CDC42SE2: variants seen among roughly 807,000 people sequenced by gnomAD.
CDC42SE2 encodes the protein CDC42 small effector 2.
In CDC42SE2, 3 loss-of-function variants were observed where a neutral mutation model predicts 11.5. The ratio of observed to expected loss-of-function variants is 0.26; its 90% CI spans 0.12 to 0.67. CDC42SE2 has a LOEUF of 0.67. Ranked by LOEUF, CDC42SE2 falls within the 30% of genes least tolerant of loss-of-function variation. The pLI is 0.80. For missense variants in CDC42SE2, 82 were observed against 106.8 expected (o/e 0.77, Z 1.02); for synonymous variants, 33 against 34.8 (o/e 0.95, Z 0.18).
At chr5:131,323,880 G>T (rs1019110928) in intron 2 of CDC42SE2, among the ~76,000 whole-genome samples, 2 of 152,086 alleles carry the variant, frequency 1.3e-5, no homozygotes, top group Non-Finnish European at 2.9e-5. Flanking sequence ...TTGTTCAAGA[G>T]CAAGATCAGT....
chr5:131,300,545 G>A (rs1580739894), intron 1 of CDC42SE2, among the ~76,000 whole-genome samples: 1 of 152,142 alleles, frequency 6.6e-6, no homozygotes, highest in Non-Finnish European at 1.5e-5. Context: ...AGCACTTTGG[G>A]AGGCCGAGGC....
Position 131,385,530 on chromosome 5 carries a change from C to G in CDC42SE2, c.55-13C>G, listed in dbSNP as rs1200360482. The G allele has an allele frequency of 1.7e-5, 27 of 1,588,458 alleles. No homozygotes were observed. Among genetic ancestry groups the G allele is most frequent in the Non-Finnish European group, 2.2e-5 (25 of 1,157,668 alleles). On this transcript the variant is annotated splice_polypyrimidine_tract_variant and intron_variant, in intron 3 of 4. Transcript: ENST00000505065. ...AGATCACTTTCTCAACACATTTGTT[C>G]CCCATATTTTAGAAAAGGCGACGGC...
At chr5:131,303,511 A>G (rs1478320285) in intron 1 of CDC42SE2, among the ~76,000 whole-genome samples, 2 of 152,180 alleles carry the variant, frequency 1.3e-5, no homozygotes, top group Admixed American at 1.3e-4. Flanking sequence ...AGACTTTTGA[A>G]TTGTAGTGGA....
intron 2 of CDC42SE2, among the ~76,000 whole-genome samples, chr5:131,341,077 T>A (rs1758700371): frequency 6.6e-6 from 1 of 152,208 alleles, no homozygotes; most frequent in South Asian, 2.1e-4. Context: ...AAAATATTAA[T>A]CATCAGCATC....
At chr5:131,264,620 T>C (rs1159517765) in intron 1 of CDC42SE2, among the ~76,000 whole-genome samples, 1 of 152,146 alleles carries the variant, frequency 6.6e-6, no homozygotes, top group Non-Finnish European at 1.5e-5. Context: ...GAGCTCCGAC[T>C]CTTCGCCTGA....
At chr5:131,300,273 C>T (rs1757652145) in intron 1 of CDC42SE2, among the ~76,000 whole-genome samples, 1 of 151,762 alleles carries the variant, frequency 6.6e-6, no homozygotes, top group Admixed American at 6.6e-5. Flanking sequence ...TTGCCAAGCA[C>T]CTGGATAAGG....
chr5:131,212,084 T>C, the CDC42SE2 span, among the ~76,000 whole-genome samples: 1 of 151,840 alleles, frequency 6.6e-6, no homozygotes, highest in Non-Finnish European at 1.5e-5. Context: ...AATCACCACA[T>C]GTGTGGCAGG....
At position 131,392,861 on chromosome 5, in the gene CDC42SE2, TC is replaced by T. The variant is rs1750705385; in HGVS notation, c.*1771del. 1 of 152,392 alleles carries T rather than the reference TC, an allele frequency of 6.6e-6. No individual in the cohort carries two copies. Among genetic ancestry groups the T allele is most frequent in the Admixed American group, 6.5e-5 (1 of 15,290 alleles). 9.4% of individuals were successfully genotyped at this position (152,392 alleles called of 1,614,324 possible). On this transcript the variant is annotated 3_prime_UTR_variant, in exon 5 of 5. Coordinates refer to ENST00000505065, the MANE Select transcript of CDC42SE2 (RefSeq NM_001375635.1). ...GCAGACCTCCAGAGTCACTGGCCTT[TC>T]TGTGCTCTACATATTATTTTAGGGG...
intron 2 of CDC42SE2, among the ~76,000 whole-genome samples, chr5:131,326,058 T>C (rs1396232057): frequency 6.6e-6 from 1 of 152,142 alleles, no homozygotes; most frequent in Non-Finnish European, 1.5e-5. Flanking sequence ...TTTCTTAATG[T>C]TTTTACGTTT....
At chr5:131,381,930 C>G (rs971389894) in intron 3 of CDC42SE2, among the ~76,000 whole-genome samples, 9 of 152,112 alleles carry the variant, frequency 5.9e-5, no homozygotes, top group African/African-American at 1.7e-4. Flanking sequence ...AGGTGTTTAC[C>G]TTTACTATGC....
chr5:131,313,680 G>A (rs529496063), intron 1 of CDC42SE2, among the ~76,000 whole-genome samples: 243 of 152,234 alleles, frequency 1.6e-3, no homozygotes, highest in African/African-American at 5.8e-3. Flanking sequence ...GACCTGTTAA[G>A]TCTCTCTGCC....
intron 2 of CDC42SE2, among the ~76,000 whole-genome samples, chr5:131,335,417 G>A (rs1445610744): frequency 6.6e-6 from 1 of 152,208 alleles, no homozygotes; most frequent in Admixed American, 6.5e-5. Context: ...TAGGTGTGGT[G>A]TGGTGCTGAG....
chr5:131,272,765 G>A (rs910875790), intron 1 of CDC42SE2, among the ~76,000 whole-genome samples: 9 of 152,000 alleles, frequency 5.9e-5, no homozygotes, highest in Admixed American at 3.3e-4. Flanking sequence ...GTTGTCATCC[G>A]CGCTCCCTGT....
intron 1 of CDC42SE2, among the ~76,000 whole-genome samples, chr5:131,315,301 T>G (rs1425278747): frequency 6.6e-6 from 1 of 152,202 alleles, no homozygotes; most frequent in Non-Finnish European, 1.5e-5. Flanking sequence ...GAACTTCAGC[T>G]TCTGACTCTT....
chr5:131,320,234 A>G (rs915376841), intron 2 of CDC42SE2, among the ~76,000 whole-genome samples: 1 of 150,582 alleles, frequency 6.6e-6, no homozygotes, highest in Non-Finnish European at 1.5e-5. Flanking sequence ...AAAATAGAAA[A>G]AAAAAAATTA....
chr5:131,289,100 A>G (rs1045106366), intron 1 of CDC42SE2, among the ~76,000 whole-genome samples: 2 of 152,150 alleles, frequency 1.3e-5, no homozygotes, highest in Non-Finnish European at 2.9e-5. Flanking sequence ...AAAGGTTGCA[A>G]AAGATTTAGT....
chr5:131,349,394 A>G (rs1039493228), intron 2 of CDC42SE2, among the ~76,000 whole-genome samples: 2 of 151,972 alleles, frequency 1.3e-5, no homozygotes, highest in Admixed American at 1.3e-4. Flanking sequence ...AATGTAAATG[A>G]TGAGTTAACG....
At chr5:131,312,522 G>T (rs1211629371) in intron 1 of CDC42SE2, among the ~76,000 whole-genome samples, 1 of 152,162 alleles carries the variant, frequency 6.6e-6, no homozygotes, top group Non-Finnish European at 1.5e-5. Context: ...GGCAATGGTG[G>T]GTGCCCCTCC....
At chr5:131,338,160 T>G (rs28470666) in intron 2 of CDC42SE2, among the ~76,000 whole-genome samples, 2,638 of 152,374 alleles carry the variant, frequency 0.017, 55 homozygotes, top group African/African-American at 0.049. Context: ...TATGAACAAG[T>G]AATCACCACC....
Sources: gnomAD v4.1 joint callset for allele counts (sites outside exome capture counted in the v4.1 genomes callset) on GRCh38, gnomAD v4.1.1 for gene constraint, MANE v1.5 for transcripts, NCBI Gene and HGNC (gene_info 2026-07-23, HGNC 2026-07-21) for gene names.